Variants in MFF observed in about 807,000 individuals in gnomAD.
MFF encodes the protein chromosome 2 open reading frame 33.
MFF carries 12 observed loss-of-function variants against 36.9 expected under a neutral mutation model. The ratio of observed to expected loss-of-function variants is 0.33; its 90% CI spans 0.21 to 0.53. The LOEUF is 0.53. Among genes scored for constraint, MFF ranks in the 20% least tolerant of loss-of-function variants. MFF has a pLI of 0.95. For missense variants in MFF, 348 were observed against 366.6 expected (o/e 0.95, Z 0.42); for synonymous variants, 99 against 126.2 (o/e 0.78, Z 1.44).
intron 4 of MFF, among the ~76,000 whole-genome samples, chr2:227,339,499 C>G (rs745491120): frequency 2.2e-4 from 33 of 152,226 alleles, no homozygotes; most frequent in Non-Finnish European, 4.4e-5. Flanking sequence ...TTGGTACTAG[C>G]TGTTGTCTGG....
chr2:227,336,051 T>C (rs1202234043), intron 4 of MFF, among the ~76,000 whole-genome samples: 1 of 152,198 alleles, frequency 6.6e-6, no homozygotes, highest in Non-Finnish European at 1.5e-5. Flanking sequence ...ACACTGACAT[T>C]ACCAGCTCTT....
At chr2:227,330,518 G>A (rs1342755300) in intron 2 of MFF, 108 bp from the exon 3 acceptor site, 1 of 726,750 alleles carries the variant, frequency 1.4e-6, no homozygotes, top group South Asian at 1.9e-5. Context: ...ACTTGCAAAT[G>A]AGAAGTTTCC....
chr2:227,330,569 C>A lies in MFF; in HGVS notation c.-40-57C>A, dbSNP rs912877999. 5.5e-6 allele frequency: 7 copies of A among 1,264,640 alleles called. No individual in the cohort carries two copies. The African/African-American group carries it at 7.4e-5, about 13-fold the overall frequency. 78.3% of individuals were successfully genotyped at this position (1,264,640 alleles called of 1,614,324 possible). A position where few individuals can be genotyped will look rare whatever the true frequency, so the allele number is the denominator to read the frequency against. On this transcript the variant is annotated intron_variant, in intron 2 of 8. Coordinates refer to ENST00000304593, the MANE Select transcript of MFF (RefSeq NM_001277062.2). ...AAGGTATTGTCTTCTAACTTCACTG[C>A]GTAGAGGAGACTGACATTTTAACAG...
At chr2:227,341,644 TG>T (rs893538450) in intron 5 of MFF, among the ~76,000 whole-genome samples, 3 of 152,114 alleles carry the variant, frequency 2.0e-5, no homozygotes, top group Admixed American at 2.0e-4. Context: ...TATTTCCAAA[TG>T]TATTACACAA....
At chr2:227,328,318 AAACC>A (rs1285064035) in intron 1 of MFF, among the ~76,000 whole-genome samples, 23 of 142,122 alleles carry the variant, frequency 1.6e-4, no homozygotes, top group African/African-American at 4.6e-4. Context: ...AAAAAAAAAA[AAACC>A]AATTCATTTG....
At position 227,353,823 on chromosome 2, in the gene MFF, T is replaced by G. The variant is rs183515044; in HGVS notation, c.659+1250T>G. Among the ~76,000 whole-genome samples the G allele has an allele frequency of 2.2e-3, 335 of 152,344 alleles. 1 individual carries two copies. The highest frequency in any genetic ancestry group is 0.02 in the Middle Eastern group (6 of 294). On this transcript the variant is annotated intron_variant, in intron 7 of 8. Transcript: ENST00000304593. The stretch of plus-strand genomic sequence containing the variant: ...ATAAATTGTGAGTAATCGCTTTCAT[T>G]TGTACTTCATTCTGTATGTTCAGTT...
intron 4 of MFF, among the ~76,000 whole-genome samples, chr2:227,338,904 G>GT (rs1258487867): frequency 2.7e-5 from 4 of 148,554 alleles, no homozygotes; most frequent in East Asian, 2.0e-4. Flanking sequence ...TGTTTGTTTT[G>GT]TTTTTTTTAG....
intron 5 of MFF, among the ~76,000 whole-genome samples, chr2:227,344,243 A>T (rs1361592615): frequency 6.6e-6 from 1 of 152,244 alleles, no homozygotes; most frequent in South Asian, 2.1e-4. Flanking sequence ...ATTTTATAAT[A>T]TCACTGGAAT....
chr2:227,341,197 A>G (rs1046031062), intron 5 of MFF, among the ~76,000 whole-genome samples: 3 of 152,124 alleles, frequency 2.0e-5, no homozygotes, highest in African/African-American at 7.2e-5. Context: ...ATTACAGCAT[A>G]TTAATCTCTA....
At chr2:227,347,879 G>T (rs1474962749) in intron 6 of MFF, among the ~76,000 whole-genome samples, 1 of 152,124 alleles carries the variant, frequency 6.6e-6, no homozygotes, top group Non-Finnish European at 1.5e-5. Flanking sequence ...AAAATTCCAG[G>T]TGCTATCATC....
chr2:227,339,086 C>T (rs1305824892), intron 4 of MFF, among the ~76,000 whole-genome samples: 1 of 151,370 alleles, frequency 6.6e-6, no homozygotes, highest in African/African-American at 2.4e-5. Flanking sequence ...CCTATAGTCC[C>T]AGCTACTTCA....
chr2:227,345,436 C>A (rs2075656339), intron 5 of MFF, among the ~76,000 whole-genome samples: 1 of 152,202 alleles, frequency 6.6e-6, no homozygotes, highest in Non-Finnish European at 1.5e-5. Context: ...TCAATTTAAA[C>A]CCCCAAATGC....
At chr2:227,346,246 G>A (rs1443070784) in intron 5 of MFF, 1 of 167,058 alleles carries the variant, frequency 6.0e-6, no homozygotes, top group Non-Finnish European at 1.5e-5. Flanking sequence ...CACATTGGAT[G>A]ACATTTAGCC....
Position 227,332,325 on chromosome 2 carries a change from CAGA to C in MFF, c.182-88_182-86del. ...CTTATTGGGTGGTATAATTCAAAAGCAGAAGAAGGTAAATACATTTTAACAAAA... is the reference window on the plus strand; with the variant it reads ...CTTATTGGGTGGTATAATTCAAAAGCAGAAGGTAAATACATTTTAACAAAA... On this transcript the variant is annotated intron_variant, in intron 3 of 8. Transcript: ENST00000304593. 3.2e-6 allele frequency: 3 copies of C among 947,996 alleles called. No individual in the cohort carries two copies. The South Asian group carries it at 5.4e-5, about 17-fold the overall frequency. The allele number at this position is 947,996 out of a possible 1,614,324, so 58.7% of individuals were successfully genotyped here. A position where few individuals can be genotyped will look rare whatever the true frequency, so the allele number is the denominator to read the frequency against.
intron 5 of MFF, among the ~76,000 whole-genome samples, chr2:227,343,097 TTTTG>T (rs1297067841): frequency 6.6e-6 from 1 of 152,138 alleles, no homozygotes; most frequent in Non-Finnish European, 1.5e-5. Flanking sequence ...AAGCATCCTT[TTTTG>T]TTTATTTTGC....
intron 5 of MFF, chr2:227,342,894 C>T: frequency 4.7e-6 from 6 of 1,288,242 alleles, no homozygotes; most frequent in Non-Finnish European, 6.7e-6. Context: ...CTAATCTATT[C>T]ACCAGGTAAT....
chr2:227,336,115 GA>G (rs1035008561), intron 4 of MFF, among the ~76,000 whole-genome samples: 1 of 152,204 alleles, frequency 6.6e-6, no homozygotes, highest in Non-Finnish European at 1.5e-5. Context: ...CAGAGAACAA[GA>G]AAGAAGAACT....
intron 8 of MFF, among the ~76,000 whole-genome samples, chr2:227,356,780 A>G (rs2076278867): frequency 6.6e-6 from 1 of 152,220 alleles, no homozygotes; most frequent in Non-Finnish European, 1.5e-5. Flanking sequence ...AGGGAAAGGG[A>G]AAGGATGTTT....
At chr2:227,349,500 A>G (rs1218595040) in intron 6 of MFF, among the ~76,000 whole-genome samples, 1 of 152,108 alleles carries the variant, frequency 6.6e-6, no homozygotes, top group African/African-American at 2.4e-5. Flanking sequence ...AAGTTCATGA[A>G]GGAGTTATAT....
Sources: gnomAD v4.1 joint callset for allele counts (sites outside exome capture counted in the v4.1 genomes callset) on GRCh38, gnomAD v4.1.1 for gene constraint, MANE v1.5 for transcripts, NCBI Gene and HGNC (gene_info 2026-07-23, HGNC 2026-07-21) for gene names.